Variants in FHIT observed in about 807,000 individuals in gnomAD.
FHIT encodes fragile histidine triad diadenosine triphosphatase.
Under a neutral mutation model 17.9 loss-of-function variants are expected in FHIT, and 19 were observed. The observed-to-expected ratio is 1.06, with a 90% CI of 0.74 to 1.56. The LOEUF (loss-of-function observed/expected upper bound fraction) is 1.56. Among genes scored for constraint, FHIT ranks in the 40% most tolerant of loss-of-function variants. The pLI is 0.00. For synonymous variants in FHIT, 81 were observed against 69.7 expected, an observed-to-expected ratio of 1.16 and a Z score of -0.81; for missense variants, 248 against 189.2, an observed-to-expected ratio of 1.31 and a Z score of -1.82.
intron 4 of FHIT, among the ~76,000 whole-genome samples, chr3:60,628,973 A>G (rs1199432312): frequency 1.3e-5 from 2 of 151,676 alleles, no homozygotes; most frequent in African/African-American, 4.9e-5. Flanking sequence ...TCAGCATAGA[A>G]TCTGCCTATG....
At chr3:60,749,151 G>A in intron 4 of FHIT, among the ~76,000 whole-genome samples, 1 of 152,104 alleles carries the variant, frequency 6.6e-6, no homozygotes, top group East Asian at 1.9e-4. Context: ...TGGTCTCTCT[G>A]TCTTCTTCAA....
chr3:59,965,422 ATAT>A (rs1707881371), intron 7 of FHIT, among the ~76,000 whole-genome samples: 1 of 152,184 alleles, frequency 6.6e-6, no homozygotes, highest in South Asian at 2.1e-4. Flanking sequence ...CTTTAAGAAA[ATAT>A]TATTTAAGAG....
chr3:59,847,689 C>T (rs746153417), intron 8 of FHIT, among the ~76,000 whole-genome samples: 7 of 152,166 alleles, frequency 4.6e-5, no homozygotes, highest in Non-Finnish European at 7.4e-5. Context: ...ACATATGAAT[C>T]GAATAATATG....
rs918718185 is a variant in FHIT, at chr3:60,966,290, G to A, written c.-111+75757C>T. On this transcript the variant is annotated intron_variant, in intron 3 of 9. Coordinates refer to ENST00000492590, the MANE Select transcript of FHIT (RefSeq NM_002012.4). ...GCCCTTTGCTAAGACAGTTGGAAAAGCACAGTATTAGTGTGGGAGTGTCCC... is the reference window on the plus strand; with the variant it reads ...GCCCTTTGCTAAGACAGTTGGAAAAACACAGTATTAGTGTGGGAGTGTCCC... Among the ~76,000 whole-genome samples, 6 of 152,186 alleles carry A rather than the reference G, an allele frequency of 3.9e-5. No homozygotes were observed. The East Asian group carries it at 1.2e-3, about 29-fold the overall frequency.
At chr3:60,603,907 G>T (rs924534600) in intron 4 of FHIT, among the ~76,000 whole-genome samples, 1 of 152,124 alleles carries the variant, frequency 6.6e-6, no homozygotes, top group Admixed American at 6.5e-5. Context: ...GTGCCCGGCT[G>T]CATGCCACCA....
chr3:60,858,870 A>G (rs1366532445), intron 3 of FHIT, among the ~76,000 whole-genome samples: 1 of 152,170 alleles, frequency 6.6e-6, no homozygotes. Flanking sequence ...TCTGAAATAT[A>G]TATAATCACA....
chr3:60,255,997 T>TG (rs1705972853), intron 5 of FHIT, among the ~76,000 whole-genome samples: 1 of 152,158 alleles, frequency 6.6e-6, no homozygotes, highest in African/African-American at 2.4e-5. Context: ...CTTGCAAGCC[T>TG]GATTTTTGAA....
At chr3:60,516,539 G>C (rs998063950) in intron 5 of FHIT, among the ~76,000 whole-genome samples, 1 of 152,100 alleles carries the variant, frequency 6.6e-6, no homozygotes, top group Non-Finnish European at 1.5e-5. Context: ...AGACCACCTG[G>C]ATTTGAAACC....
At chr3:60,337,611 T>A (rs1385659154) in intron 5 of FHIT, among the ~76,000 whole-genome samples, 2 of 152,130 alleles carry the variant, frequency 1.3e-5, no homozygotes, top group African/African-American at 2.4e-5. Flanking sequence ...ACCACTCATA[T>A]CCCTCAGAGG....
At chr3:60,086,007 T>C (rs1703478259) in intron 5 of FHIT, among the ~76,000 whole-genome samples, 1 of 152,228 alleles carries the variant, frequency 6.6e-6, no homozygotes, top group African/African-American at 2.4e-5. Flanking sequence ...ATTTGGCTCA[T>C]GATTCTGATG....
At chr3:59,818,067 C>T (rs964487467) in intron 8 of FHIT, among the ~76,000 whole-genome samples, 5 of 151,170 alleles carry the variant, frequency 3.3e-5, no homozygotes, top group Non-Finnish European at 1.5e-5. Context: ...AGGAGGGGAA[C>T]TGAGAGGAGA....
chr3:60,796,018 T>A (rs1364175380), intron 4 of FHIT, among the ~76,000 whole-genome samples: 1 of 152,168 alleles, frequency 6.6e-6, no homozygotes, highest in African/African-American at 2.4e-5. Flanking sequence ...TGAAAGGCAC[T>A]TCTTACATGG....
Position 59,749,432 on chromosome 3 carries a change from G to A in FHIT, c.*153C>T. 4.3e-6 allele frequency: 1 copy of A among 231,910 alleles called. No homozygotes were observed. The highest frequency in any genetic ancestry group is 8.5e-6 in the Non-Finnish European group (1 of 117,244). 14.4% of individuals were successfully genotyped at this position (231,910 alleles called of 1,614,324 possible). Reference sequence around the variant, plus strand: ...TTAAGGGAGTTGGAGTGACCGAGGTGGGGGATCACTGGTTGAAGAATACAG... The same window carrying A: ...TTAAGGGAGTTGGAGTGACCGAGGTAGGGGATCACTGGTTGAAGAATACAG... On this transcript the variant is annotated 3_prime_UTR_variant, in exon 10 of 10. Transcript: ENST00000492590.
At chr3:60,619,183 G>T (rs1415750375) in intron 4 of FHIT, among the ~76,000 whole-genome samples, 1 of 149,840 alleles carries the variant, frequency 6.7e-6, no homozygotes, top group Admixed American at 6.6e-5. Context: ...TCTTACAAGA[G>T]TAATTACATT....
At position 61,250,270 on chromosome 3, in the gene FHIT, A is replaced by C. The variant is rs543592200; in HGVS notation, c.-213+1031T>G. On this transcript the variant is annotated intron_variant, in intron 1 of 9. Transcript: ENST00000492590. ...AGGCCTCAGGCCGCAGGCTGAAGCCAAGGAGGGAGAGTTCAGGTAGATCCG... is the reference window on the plus strand; with the variant it reads ...AGGCCTCAGGCCGCAGGCTGAAGCCCAGGAGGGAGAGTTCAGGTAGATCCG... Among the ~76,000 whole-genome samples the C allele has an allele frequency of 4.6e-5, 7 of 152,336 alleles. No homozygotes were observed. The South Asian group carries it at 1.4e-3, about 32-fold the overall frequency.
At chr3:60,137,953 T>G (rs547047094) in intron 5 of FHIT, among the ~76,000 whole-genome samples, 57 of 152,336 alleles carry the variant, frequency 3.7e-4, no homozygotes, top group African/African-American at 1.3e-3. Context: ...AGTCATTATC[T>G]TGACCAGCTC....
intron 4 of FHIT, among the ~76,000 whole-genome samples, chr3:60,737,972 C>G (rs1553713035): frequency 6.6e-6 from 1 of 152,118 alleles, no homozygotes; most frequent in African/African-American, 2.4e-5. Flanking sequence ...GCTAAAGGAG[C>G]ATTTGCATTA....
intron 1 of FHIT, among the ~76,000 whole-genome samples, chr3:61,243,471 T>C (rs887964902): frequency 6.6e-6 from 1 of 152,238 alleles, no homozygotes; most frequent in Non-Finnish European, 1.5e-5. Context: ...GCTTAATTAT[T>C]CTTCTGCTTT....
chr3:60,669,570 C>A (rs782035412), intron 4 of FHIT, among the ~76,000 whole-genome samples: 7 of 152,056 alleles, frequency 4.6e-5, no homozygotes, highest in South Asian at 2.1e-4. Flanking sequence ...AGTAGGGGAA[C>A]ATGATGAATT....
Sources: allele counts gnomAD v4.1 joint callset (sites outside exome capture counted in the v4.1 genomes callset), GRCh38; gene constraint gnomAD v4.1.1; transcripts MANE v1.5; gene names NCBI Gene and HGNC (gene_info 2026-07-23, HGNC 2026-07-21).